The following LRPAP1 variants were observed in gnomAD, a reference collection of about 807,000 sequenced individuals.
LRPAP1 encodes LDL receptor related protein associated protein 1, also known as alpha-2-macroglobulin receptor-associated protein.
Under a neutral mutation model 39.9 loss-of-function variants are expected in LRPAP1, and 41 were observed. The ratio of observed to expected loss-of-function variants is 1.03; its 90% CI spans 0.80 to 1.33. The LOEUF (loss-of-function observed/expected upper bound fraction) is 1.33, where lower values mean the gene tolerates loss of function less well. Ranked by LOEUF, LRPAP1 falls within the 40% of genes most tolerant of loss-of-function variation. The pLI is 0.00. For missense variants in LRPAP1, 565 were observed against 482.3 expected (o/e 1.17, Z -1.61); for synonymous variants, 263 against 212.7 (o/e 1.24, Z -2.06).
At chr4:3,518,459 C>G (rs531447205) in intron 4 of LRPAP1, among the ~76,000 whole-genome samples, 9 of 152,350 alleles carry the variant, frequency 5.9e-5, no homozygotes, top group African/African-American at 2.2e-4. Context: ...GGGGCTGACT[C>G]TGGACCCCTG....
intron 1 of LRPAP1, among the ~76,000 whole-genome samples, chr4:3,531,233 A>AATCCCC (rs1203651483): frequency 6.6e-6 from 1 of 152,124 alleles, no homozygotes; most frequent in Admixed American, 6.5e-5. Context: ...CCCAGGCGTC[A>AATCCCC]ATCCCCATCC....
chr4:3,519,005 A>C lies in LRPAP1; in HGVS notation c.472-14T>G. 1 of 1,612,080 alleles carries C rather than the reference A, an allele frequency of 6.2e-7. No homozygotes were observed. Reference sequence around the variant, plus strand: ...AGAGGTCTTCGCCTAAGAGGGAAACAAGGCCTGGAGTGAACCCGCCGCGGG... The same window carrying C: ...AGAGGTCTTCGCCTAAGAGGGAAACCAGGCCTGGAGTGAACCCGCCGCGGG... On this transcript the variant is annotated splice_polypyrimidine_tract_variant and intron_variant, in intron 3 of 7. Transcript: ENST00000650182.
At chr4:3,521,915 C>T (rs758115042) in intron 2 of LRPAP1, among the ~76,000 whole-genome samples, 3 of 152,198 alleles carry the variant, frequency 2.0e-5, no homozygotes, top group Non-Finnish European at 2.9e-5. Context: ...GCAGGAGGGC[C>T]GTCTGAACCC....
intron 2 of LRPAP1, 81 bp downstream of exon 2, chr4:3,524,826 A>C: frequency 6.6e-7 from 1 of 1,517,164 alleles, no homozygotes; most frequent in Middle Eastern, 1.7e-4. Context: ...CAAAAACAAA[A>C]TCCGACATCC....
Position 3,510,826 on chromosome 4 carries a change from T to G in LRPAP1, c.*2148A>C, listed in dbSNP as rs1577200838. 2 of 151,834 alleles carry G rather than the reference T, an allele frequency of 1.3e-5. No individual in the cohort carries two copies. Among genetic ancestry groups the G allele is most frequent in the Admixed American group, 6.6e-5 (1 of 15,250 alleles). 9.4% of individuals were successfully genotyped at this position (151,834 alleles called of 1,614,324 possible). On this transcript the variant is annotated 3_prime_UTR_variant, in exon 8 of 8. Coordinates refer to ENST00000650182, the MANE Select transcript of LRPAP1 (RefSeq NM_002337.4). ...CGTGGAACCCATGGCAGGCGGGAGG[T>G]AGGGAGCTGCGGTGGTAGGAGTCAG...
rs141338615 is a variant in LRPAP1, at chr4:3,512,982, C to T, written c.1066G>A (p.Glu356Lys). 8.1e-6 allele frequency: 13 copies of T among 1,611,062 alleles called. No homozygotes were observed. In the East Asian group the frequency reaches 1.1e-4, roughly 14 times the overall value. Residue 356 changes from glutamate to lysine, a missense_variant, in exon 8 of 8, where the codon GAA becomes AAA. By Grantham distance (56) the Glu-to-Lys change is moderately conservative (BLOSUM62 1). Transcript: ENST00000650182. ...SGRISRARHN[E>K]L is the part of the protein sequence containing the mutation. ...TGGGCTCCCCAATGCCTTCAGAGTT[C>T]GTTGTGCCGAGCTCTGGAGATCCTG...
rs1264036138 is a variant in LRPAP1, at chr4:3,530,449, C to T, written c.204+1760G>A. On this transcript the variant is annotated intron_variant, in intron 1 of 7. Coordinates refer to ENST00000650182, the MANE Select transcript of LRPAP1 (RefSeq NM_002337.4). ...CCAAAACACCCTCACCCCCGAAGAA[C>T]TTCACGTTCTGTTCAGCAAAAAAGA... is the stretch of plus-strand genomic sequence containing the variant. 2.0e-5 allele frequency among the ~76,000 whole-genome samples: 3 copies of T among 152,230 alleles called. No homozygotes were observed. The East Asian group carries it at 5.8e-4, about 29-fold the overall frequency.
Position 3,505,116 on chromosome 4 carries a change from C to T in LRPAP1, c.*7858G>A, listed in dbSNP as rs1314376305. On this transcript the variant is annotated 3_prime_UTR_variant, in exon 8 of 8. Transcript: ENST00000650182. ...AGCCATGGTGGCCCGGGTCCTGCCA[C>T]GCACGCAGCCATAGTGGGCTGGCTA... Among the ~76,000 whole-genome samples the T allele has an allele frequency of 1.3e-5, 2 of 152,172 alleles. No homozygotes were observed. The highest frequency in any genetic ancestry group is 2.1e-4 in the South Asian group (1 of 4,828).
chr4:3,515,733 CCCTCCCTGGG>C, intron 6 of LRPAP1: 1 of 267,008 alleles, frequency 3.7e-6, no homozygotes, highest in South Asian at 4.4e-5. Context: ...TGGTCTCCTT[CCCTCCCTGGG>C]CCTCCATCTC....
intron 2 of LRPAP1, among the ~76,000 whole-genome samples, chr4:3,523,471 G>A (rs1175530641): frequency 2.6e-5 from 4 of 152,176 alleles, no homozygotes; most frequent in Admixed American, 1.3e-4. Flanking sequence ...TCTTTAACCC[G>A]GGCGCAGCCA....
chr4:3,524,188 C>T (rs535705532), intron 2 of LRPAP1, among the ~76,000 whole-genome samples: 175 of 152,258 alleles, frequency 1.1e-3, no homozygotes, highest in African/African-American at 4.1e-3. Flanking sequence ...GGGAGGATGG[C>T]GGAGGAGAGG....
At position 3,505,368 on chromosome 4, in the gene LRPAP1, C is replaced by A. The variant is rs1007752025; in HGVS notation, c.*7606G>T. Among the ~76,000 whole-genome samples, 2 of 152,254 alleles carry A rather than the reference C, an allele frequency of 1.3e-5. No homozygotes were observed. Among genetic ancestry groups the A allele is most frequent in the Non-Finnish European group, 2.9e-5 (2 of 68,032 alleles). On this transcript the variant is annotated 3_prime_UTR_variant, in exon 8 of 8. Transcript: ENST00000650182. The stretch of plus-strand genomic sequence containing the variant: ...ATCCCTCCCCGGTGCCTAGCCCTCG[C>A]CAGGCTGCTGGCCCCATCGCTGGGA...
At chr4:3,529,876 C>CCT (rs1730197048) in intron 1 of LRPAP1, among the ~76,000 whole-genome samples, 1 of 152,166 alleles carries the variant, frequency 6.6e-6, no homozygotes, top group African/African-American at 2.4e-5. Context: ...AACAGGGACA[C>CCT]GATGTTTTCA....
chr4:3,526,617 C>G (rs1730085699), intron 1 of LRPAP1, among the ~76,000 whole-genome samples: 1 of 152,222 alleles, frequency 6.6e-6, no homozygotes, highest in Non-Finnish European at 1.5e-5. Context: ...GGAGGCCCAG[C>G]CCTCAGGTCC....
intron 3 of LRPAP1, 42 bp from the exon 4 acceptor site, chr4:3,519,033 C>T (rs771627782): frequency 7.6e-5 from 122 of 1,602,844 alleles, no homozygotes; most frequent in Non-Finnish European, 9.3e-5. Context: ...GCCGCGGGCT[C>T]GTGTGGCCAG....
intron 5 of LRPAP1, 38 bp from the exon 6 acceptor site, chr4:3,516,236 G>T: frequency 6.6e-7 from 1 of 1,504,216 alleles, no homozygotes; most frequent in Non-Finnish European, 9.1e-7. Flanking sequence ...AGCAGCACCC[G>T]GGGTGCACAC....
At chr4:3,517,873 G>T in intron 5 of LRPAP1, 161 bp downstream of exon 5, 1 of 777,084 alleles carries the variant, frequency 1.3e-6, no homozygotes, top group East Asian at 3.1e-5. Flanking sequence ...TCCTGGGAGC[G>T]AGGCCTGTGA....
chr4:3,512,863 C>T lies in LRPAP1; in HGVS notation c.*111G>A, dbSNP rs955642067. 1.7e-5 allele frequency: 15 copies of T among 875,774 alleles called. No homozygotes were observed. The highest frequency in any genetic ancestry group is 5.1e-5 in the Admixed American group (2 of 39,212). The allele number at this position is 875,774 out of a possible 1,614,324, so 54.3% of individuals were successfully genotyped here. ...AAACAATCCTTCCTGCCTCGACACC[C>T]GTGCCAGCCCCAGCCACCCTGACGG... On this transcript the variant is annotated 3_prime_UTR_variant, in exon 8 of 8. Coordinates refer to ENST00000650182, the MANE Select transcript of LRPAP1 (RefSeq NM_002337.4).
Position 3,517,455 on chromosome 4 carries a change from C to A in LRPAP1, c.751+579G>T, listed in dbSNP as rs940089186. Among the ~76,000 whole-genome samples, 6 of 152,216 alleles carry A rather than the reference C, an allele frequency of 3.9e-5. No homozygotes were observed. In the East Asian group the frequency reaches 5.8e-4, roughly 15 times the overall value. On this transcript the variant is annotated intron_variant, in intron 5 of 7. Coordinates refer to ENST00000650182, the MANE Select transcript of LRPAP1 (RefSeq NM_002337.4). ...CAGTGTGCACGTGGAGGATGAGGTACAGAATCGGAAGCTGCGTGAGTGAGG... is the reference window on the plus strand; with the variant it reads ...CAGTGTGCACGTGGAGGATGAGGTAAAGAATCGGAAGCTGCGTGAGTGAGG...
Sources: gnomAD v4.1 joint callset for allele counts (sites outside exome capture counted in the v4.1 genomes callset) on GRCh38, gnomAD v4.1.1 for gene constraint, MANE v1.5 for transcripts, NCBI Gene and HGNC (gene_info 2026-07-23, HGNC 2026-07-21) for gene names.